Variants in POU2F1 observed in about 807,000 individuals in gnomAD.
POU2F1 encodes POU domain, class 2, transcription factor 1.
In POU2F1, 16 loss-of-function variants were observed where a neutral mutation model predicts 84.9. That is an observed-to-expected ratio of 0.19 (90% CI 0.13 to 0.29). POU2F1 has a LOEUF of 0.29. Ranked by LOEUF, POU2F1 falls within the 10% of genes least tolerant of loss-of-function variation. POU2F1 has a pLI of 1.00. For missense variants in POU2F1, 738 were observed against 942.6 expected (o/e 0.78, Z 2.84); for synonymous variants, 368 against 368.3 (o/e 1.00, Z 0.01).
chr1:167,376,180 A>G (rs1660314155), intron 7 of POU2F1, 25 bp downstream of exon 7: 2 of 1,612,790 alleles, frequency 1.2e-6, no homozygotes, highest in Admixed American at 1.7e-5. Flanking sequence ...AGAGCTTATT[A>G]GTGGTATACC....
chr1:167,414,565 C>G, intron 15 of POU2F1: 2 of 985,398 alleles, frequency 2.0e-6, no homozygotes, highest in Non-Finnish European at 2.4e-6. Flanking sequence ...TGCCAGACAA[C>G]AGGTTGAGAT....
intron 1 of POU2F1, among the ~76,000 whole-genome samples, chr1:167,260,360 C>T (rs1376035637): frequency 6.6e-6 from 1 of 152,108 alleles, no homozygotes; most frequent in Non-Finnish European, 1.5e-5. Context: ...CTAATGAAAA[C>T]AAGTTTTTAA....
intron 2 of POU2F1, among the ~76,000 whole-genome samples, chr1:167,335,169 T>A (rs1330801495): frequency 6.6e-6 from 1 of 152,226 alleles, no homozygotes; most frequent in Non-Finnish European, 1.5e-5. Flanking sequence ...CCGTTCTATG[T>A]GTAAAGTACT....
intron 1 of POU2F1, among the ~76,000 whole-genome samples, chr1:167,307,942 T>G (rs1187048379): frequency 6.6e-6 from 1 of 152,216 alleles, no homozygotes; most frequent in Non-Finnish European, 1.5e-5. Flanking sequence ...TGTTTTTGAA[T>G]TTGGGTTTAC....
intron 1 of POU2F1, among the ~76,000 whole-genome samples, chr1:167,265,500 C>G (rs935955693): frequency 6.6e-6 from 1 of 152,172 alleles, no homozygotes; most frequent in African/African-American, 2.4e-5. Flanking sequence ...GCCAAATTCA[C>G]TAATGGCAGC....
chr1:167,336,200 A>T (rs184021447), intron 2 of POU2F1, among the ~76,000 whole-genome samples: 1 of 152,364 alleles, frequency 6.6e-6, no homozygotes, highest in East Asian at 1.9e-4. Flanking sequence ...ATAGAAACAA[A>T]TGTAAACAAT....
At chr1:167,228,672 A>C (rs895779541) in intron 1 of POU2F1, among the ~76,000 whole-genome samples, 1 of 152,226 alleles carries the variant, frequency 6.6e-6, no homozygotes, top group African/African-American at 2.4e-5. Flanking sequence ...TGCATAGGCA[A>C]TTACGTTTGC....
Position 167,245,233 on chromosome 1 carries a change from A to T in POU2F1, c.61+24275A>T, listed in dbSNP as rs190642876. Among the ~76,000 whole-genome samples, 12 of 151,050 alleles carry T rather than the reference A, an allele frequency of 7.9e-5. No individual in the cohort carries two copies. The East Asian group carries it at 2.3e-3, about 29-fold the overall frequency. On this transcript the variant is annotated intron_variant, in intron 1 of 15. Transcript: ENST00000367866. ...TAAAATGGCTAAAAGCTATTATGTG[A>T]CTCAAATTTCTTTTTTTTTTTTTGT...
Position 167,418,806 on chromosome 1 carries a change from T to C in POU2F1, c.*2996T>C, listed in dbSNP as rs1475515794. On this transcript the variant is annotated 3_prime_UTR_variant, in exon 16 of 16. Coordinates refer to ENST00000367866, the MANE Select transcript of POU2F1 (RefSeq NM_002697.4). ...GCCCTGTCTATATTTTCTACTCAAT[T>C]TGGGATAAGGGGATTTTATGTGAAG... The C allele has an allele frequency of 6.6e-6, 1 of 152,138 alleles. No individual in the cohort carries two copies. The highest frequency in any genetic ancestry group is 1.5e-5 in the Non-Finnish European group (1 of 68,016). The allele number at this position is 152,138 out of a possible 1,614,324, so 9.4% of individuals were successfully genotyped here.
At chr1:167,334,452 A>G (rs1215263260) in intron 2 of POU2F1, among the ~76,000 whole-genome samples, 1 of 152,194 alleles carries the variant, frequency 6.6e-6, no homozygotes, top group Non-Finnish European at 1.5e-5. Context: ...TTCAAATTAT[A>G]GGAAATTGAG....
chr1:167,242,464 A>G (rs1431014142), intron 1 of POU2F1, among the ~76,000 whole-genome samples: 1 of 152,248 alleles, frequency 6.6e-6, no homozygotes, highest in Non-Finnish European at 1.5e-5. Flanking sequence ...CCCAAATCAC[A>G]GAAAGACTCT....
chr1:167,339,998 C>T (rs1657726392), intron 2 of POU2F1, among the ~76,000 whole-genome samples: 1 of 152,142 alleles, frequency 6.6e-6, no homozygotes, highest in Non-Finnish European at 1.5e-5. Flanking sequence ...AAATAAGGGT[C>T]TCTTTTTATA....
intron 1 of POU2F1, among the ~76,000 whole-genome samples, chr1:167,318,621 CTG>C (rs1190475236): frequency 6.6e-6 from 1 of 152,194 alleles, no homozygotes; most frequent in Non-Finnish European, 1.5e-5. Context: ...GCATGTGTAA[CTG>C]TGTCATAAAG....
At chr1:167,364,269 G>A (rs1212613189) in intron 2 of POU2F1, among the ~76,000 whole-genome samples, 2 of 151,982 alleles carry the variant, frequency 1.3e-5, no homozygotes, top group African/African-American at 2.4e-5. Flanking sequence ...CATGGCTCAC[G>A]CCTGTAATCC....
At chr1:167,332,137 A>C (rs575804895) in intron 1 of POU2F1, among the ~76,000 whole-genome samples, 1 of 151,928 alleles carries the variant, frequency 6.6e-6, no homozygotes, top group Non-Finnish European at 1.5e-5. Flanking sequence ...TTCCAGTTTT[A>C]CTTCATGTTA....
Position 167,424,295 on chromosome 1 carries a change from G to A in POU2F1, c.*8485G>A, listed in dbSNP as rs1017336534. On this transcript the variant is annotated 3_prime_UTR_variant, in exon 16 of 16. Transcript: ENST00000367866. Reference sequence around the variant, plus strand: ...ATTGGCTTTTGACAACATAAATGTTGTATCTTCCCTAAGGTCAGGTCGGGG... The same window carrying A: ...ATTGGCTTTTGACAACATAAATGTTATATCTTCCCTAAGGTCAGGTCGGGG... 6.6e-6 allele frequency: 1 copy of A among 152,230 alleles called. No homozygotes were observed. Among genetic ancestry groups the A allele is most frequent in the Non-Finnish European group, 1.5e-5 (1 of 68,044 alleles). 9.4% of individuals were successfully genotyped at this position (152,230 alleles called of 1,614,324 possible).
intron 1 of POU2F1, among the ~76,000 whole-genome samples, chr1:167,242,493 A>G (rs778434210): frequency 1.3e-5 from 2 of 152,224 alleles, no homozygotes; most frequent in East Asian, 1.9e-4. Flanking sequence ...CTTTCTTACC[A>G]TGGTGACGCA....
intron 7 of POU2F1, 125 bp downstream of exon 7, chr1:167,376,280 G>A: frequency 1.7e-6 from 2 of 1,152,050 alleles, no homozygotes; most frequent in Non-Finnish European, 2.3e-6. Flanking sequence ...AATTTTATTT[G>A]ATTATAAACT....
At chr1:167,408,581 G>A (rs1649747658) in intron 13 of POU2F1, among the ~76,000 whole-genome samples, 1 of 152,150 alleles carries the variant, frequency 6.6e-6, no homozygotes, top group Admixed American at 6.5e-5. Context: ...CTTGAAAACA[G>A]AATGTTAAGT....
Sources: gnomAD v4.1 joint callset for allele counts (sites outside exome capture counted in the v4.1 genomes callset) on GRCh38, gnomAD v4.1.1 for gene constraint, MANE v1.5 for transcripts, NCBI Gene and HGNC (gene_info 2026-07-23, HGNC 2026-07-21) for gene names.